The following ENPEP variants were observed in gnomAD, a reference collection of about 807,000 sequenced individuals.
ENPEP encodes glutamyl aminopeptidase.
A neutral mutation model predicts 114.5 loss-of-function variants in ENPEP; 103 were observed. The ratio of observed to expected loss-of-function variants is 0.90; its 90% CI spans 0.77 to 1.06. The LOEUF (loss-of-function observed/expected upper bound fraction) is 1.06, where lower values mean the gene tolerates loss of function less well. Among genes scored for constraint, ENPEP ranks in the 50% least tolerant of loss-of-function variants. The probability of loss-of-function intolerance (pLI) is 0.00; values close to 1 mark genes in which losing one functional copy is unlikely to be tolerated. For synonymous variants in ENPEP, 420 were observed against 422.0 expected, an observed-to-expected ratio of 1.00 and a Z score of 0.06; for missense variants, 1,196 against 1,161.3, an observed-to-expected ratio of 1.03 and a Z score of -0.43.
Position 110,506,640 on chromosome 4 carries a change from A to G in ENPEP, c.922A>G (p.Thr308Ala). The G allele has an allele frequency of 2.5e-6, 4 of 1,597,674 alleles. No homozygotes were observed. Among genetic ancestry groups the G allele is most frequent in the Non-Finnish European group, 3.4e-6 (4 of 1,174,442 alleles). Reference protein sequence around the residue: ...KRISNSGKPLTIYVQPEQKHT... With the variant: ...KRISNSGKPLAIYVQPEQKHT... ...TTTTTTGTGTTTTGTTTAATAGCTT[A>G]CAATTTATGTCCAGCCAGAGCAAAA... The change falls in exon 4 of 20, where the codon ACA becomes GCA. Residue 308 changes from threonine (T) to alanine (A), a missense_variant. Coordinates refer to ENST00000265162, the MANE Select transcript of ENPEP (RefSeq NM_001977.4).
chr4:110,541,765 G>C (rs1726854977), intron 11 of ENPEP, among the ~76,000 whole-genome samples: 1 of 151,880 alleles, frequency 6.6e-6, no homozygotes, highest in African/African-American at 2.4e-5. Flanking sequence ...CTACATTGTT[G>C]GTACCTTAAA....
intron 10 of ENPEP, among the ~76,000 whole-genome samples, chr4:110,523,340 C>T (rs1726076660): frequency 6.6e-6 from 1 of 152,296 alleles, no homozygotes; most frequent in South Asian, 2.1e-4. Flanking sequence ...CCCTCTCCCC[C>T]TTCTGCCATG....
At chr4:110,541,040 T>TA (rs1470979336) in intron 11 of ENPEP, among the ~76,000 whole-genome samples, 2 of 152,246 alleles carry the variant, frequency 1.3e-5, no homozygotes, top group African/African-American at 4.8e-5. Context: ...GCTTTATGCT[T>TA]AGCAAGAAAC....
intron 13 of ENPEP, among the ~76,000 whole-genome samples, chr4:110,543,954 A>G (rs1726950421): frequency 6.6e-6 from 1 of 152,040 alleles, no homozygotes; most frequent in Non-Finnish European, 1.5e-5. Context: ...TAGGCACCCA[A>G]ACCCAGCTCC....
At chr4:110,534,029 AT>A in intron 11 of ENPEP, among the ~76,000 whole-genome samples, 1 of 152,192 alleles carries the variant, frequency 6.6e-6, no homozygotes, top group African/African-American at 2.4e-5. Flanking sequence ...TGTCTGCTCC[AT>A]TTTTAGGCTG....
intron 13 of ENPEP, among the ~76,000 whole-genome samples, chr4:110,544,077 GA>G (rs1726955688): frequency 6.6e-6 from 1 of 151,972 alleles, no homozygotes; most frequent in Non-Finnish European, 1.5e-5. Flanking sequence ...AGAGTTCCTA[GA>G]TAGTATATTA....
intron 13 of ENPEP, among the ~76,000 whole-genome samples, chr4:110,545,489 A>G (rs1235520235): frequency 6.6e-6 from 1 of 151,962 alleles, no homozygotes; most frequent in Non-Finnish European, 1.5e-5. Context: ...GTCACCTGCA[A>G]TGGGAATGGG....
chr4:110,558,200 A>G (rs1727552152), intron 18 of ENPEP, among the ~76,000 whole-genome samples: 1 of 148,978 alleles, frequency 6.7e-6, no homozygotes, highest in Non-Finnish European at 1.5e-5. Context: ...ACAAACTATC[A>G]GCTTTTATCT....
At chr4:110,527,802 C>CTTCCTCTCATA (rs1726253464) in intron 10 of ENPEP, among the ~76,000 whole-genome samples, 1 of 152,184 alleles carries the variant, frequency 6.6e-6, no homozygotes, top group Non-Finnish European at 1.5e-5. Context: ...TTCCCAGTAA[C>CTTCCTCTCATA]TGTTACTTCC....
At chr4:110,541,709 C>T (rs183956148) in intron 11 of ENPEP, among the ~76,000 whole-genome samples, 1 of 152,040 alleles carries the variant, frequency 6.6e-6, no homozygotes, top group Non-Finnish European at 1.5e-5. Context: ...TACTGGAGGC[C>T]AGGCTTTTAT....
Position 110,564,049 on chromosome 4 carries a change from C to G in ENPEP, c.*2491C>G, listed in dbSNP as rs954183803. ...AGTAGAAAAGAGGGGATTCAAATTACCAGTGGTGCTTTCTAAAACACGGTT... is the reference window on the plus strand; with the variant it reads ...AGTAGAAAAGAGGGGATTCAAATTAGCAGTGGTGCTTTCTAAAACACGGTT... On this transcript the variant is annotated 3_prime_UTR_variant, in exon 20 of 20. Coordinates refer to ENST00000265162, the MANE Select transcript of ENPEP (RefSeq NM_001977.4). 3 of 151,696 alleles carry G rather than the reference C, an allele frequency of 2.0e-5. No individual in the cohort carries two copies. The highest frequency in any genetic ancestry group is 7.3e-5 in the African/African-American group (3 of 41,322). 9.4% of individuals were successfully genotyped at this position (151,696 alleles called of 1,614,324 possible). A position where few individuals can be genotyped will look rare whatever the true frequency, so the allele number is the denominator to read the frequency against.
At chr4:110,553,199 C>A in intron 17 of ENPEP, 116 bp from the exon 18 acceptor site, 1 of 864,902 alleles carries the variant, frequency 1.2e-6, no homozygotes, top group Non-Finnish European at 1.7e-6. Flanking sequence ...TTAACTTTGT[C>A]AGTTGATACC....
intron 10 of ENPEP, among the ~76,000 whole-genome samples, chr4:110,523,773 T>A (rs920463964): frequency 6.6e-6 from 1 of 152,158 alleles, no homozygotes; most frequent in Non-Finnish European, 1.5e-5. Flanking sequence ...TGGGAGAAAG[T>A]GTTGGGATAC....
chr4:110,540,666 A>G (rs557404351), intron 11 of ENPEP, among the ~76,000 whole-genome samples: 99 of 152,202 alleles, frequency 6.5e-4, no homozygotes, highest in Non-Finnish European at 1.1e-3. Flanking sequence ...AACTAGGTAC[A>G]TATAAAGCAC....
At chr4:110,479,736 T>C in intron 1 of ENPEP, among the ~76,000 whole-genome samples, 1 of 152,078 alleles carries the variant, frequency 6.6e-6, no homozygotes, top group South Asian at 2.1e-4. Flanking sequence ...TGAAAGCGAG[T>C]CAAGACTTTT....
intron 7 of ENPEP, 125 bp from the exon 8 acceptor site, chr4:110,515,252 A>C: frequency 1.3e-6 from 1 of 758,196 alleles, no homozygotes; most frequent in Non-Finnish European, 2.2e-6. Flanking sequence ...ATAATTTAGC[A>C]GAATCATCTT....
intron 1 of ENPEP, among the ~76,000 whole-genome samples, chr4:110,478,105 G>A (rs945056907): frequency 6.6e-6 from 1 of 152,190 alleles, no homozygotes; most frequent in African/African-American, 2.4e-5. Flanking sequence ...TCTTGGGCCA[G>A]TCCACCCACA....
chr4:110,476,359 TTAGTTAGTTAA>T lies in ENPEP; in HGVS notation c.-55_-45del, dbSNP rs1389251823. 6.7e-7 allele frequency: 1 copy of T among 1,492,342 alleles called. No homozygotes were observed. Among genetic ancestry groups the T allele is most frequent in the African/African-American group, 1.4e-5 (1 of 71,360 alleles). 92.4% of individuals were successfully genotyped at this position (1,492,342 alleles called of 1,614,324 possible). On this transcript the variant is annotated 5_prime_UTR_variant, in exon 1 of 20. Transcript: ENST00000265162. Reference sequence around the variant, plus strand: ...AATTTAAAAAGGAAGTCTGCTGACGTTAGTTAGTTAAATTTAACATCTTTTTATGTGTAACA... The same window carrying T: ...AATTTAAAAAGGAAGTCTGCTGACGTATTTAACATCTTTTTATGTGTAACA...
intron 1 of ENPEP, among the ~76,000 whole-genome samples, chr4:110,477,983 G>A (rs1724177667): frequency 6.6e-6 from 1 of 152,102 alleles, no homozygotes. Flanking sequence ...CATCAGGGAG[G>A]AAGGCTACAC....
Sources: gnomAD v4.1 joint callset for allele counts (sites outside exome capture counted in the v4.1 genomes callset) on GRCh38, gnomAD v4.1.1 for gene constraint, MANE v1.5 for transcripts, NCBI Gene and HGNC (gene_info 2026-07-23, HGNC 2026-07-21) for gene names.